TANC2: variants seen among roughly 807,000 people sequenced by gnomAD.
TANC2 encodes protein TANC2.
In TANC2, 26 loss-of-function variants were observed where a neutral mutation model predicts 210.5. The observed-to-expected ratio is 0.12, with a 90% CI of 0.09 to 0.17. The LOEUF is 0.17. Among genes scored for constraint, TANC2 ranks in the 10% least tolerant of loss-of-function variants. TANC2 has a pLI of 1.00. For missense variants in TANC2, 2,129 were observed against 2,608.9 expected (o/e 0.82, Z 4.01); for synonymous variants, 931 against 967.1 (o/e 0.96, Z 0.69).
intron 6 of TANC2, among the ~76,000 whole-genome samples, chr17:63,198,342 G>A (rs999220703): frequency 2.0e-5 from 3 of 151,978 alleles, no homozygotes; most frequent in Non-Finnish European, 4.4e-5. Flanking sequence ...GTAGAGGCAT[G>A]CACCACCACA....
At chr17:63,151,844 G>A (rs971773889) in intron 5 of TANC2, 2 of 152,134 alleles carry the variant, frequency 1.3e-5, no homozygotes, top group African/African-American at 4.8e-5. Flanking sequence ...TGTGATGCTG[G>A]AAACATTAAA....
chr17:63,183,177 T>G (rs1213631701), intron 5 of TANC2, among the ~76,000 whole-genome samples: 1 of 152,266 alleles, frequency 6.6e-6, no homozygotes, highest in African/African-American at 2.4e-5. Context: ...AGGACAAGAT[T>G]GTACACTTAA....
At chr17:63,024,623 C>G (rs1014133427) in intron 2 of TANC2, among the ~76,000 whole-genome samples, 1 of 152,140 alleles carries the variant, frequency 6.6e-6, no homozygotes, top group African/African-American at 2.4e-5. Context: ...TTTACCCAGC[C>G]CCTATTCAAG....
intron 2 of TANC2, among the ~76,000 whole-genome samples, chr17:63,030,223 G>A (rs944463517): frequency 6.6e-6 from 1 of 151,982 alleles, no homozygotes; most frequent in East Asian, 1.9e-4. Context: ...TCTCCTCCCT[G>A]GTCAGTTTTG....
rs368315077 is a variant in TANC2, at chr17:63,073,238, A to G, written c.68-705A>G. ...TATTAATTTCTGTTTTACTGTGCCT[A>G]TTTTAATGAATTTATGATGCATAAT... On this transcript the variant is annotated intron_variant, in intron 2 of 27. Transcript: ENST00000689528. Among the ~76,000 whole-genome samples the G allele has an allele frequency of 3.3e-5, 5 of 152,146 alleles. No homozygotes were observed. In the South Asian group the frequency reaches 8.3e-4, roughly 25 times the overall value.
At chr17:63,153,618 A>G (rs2039733949) in intron 5 of TANC2, 2 of 152,124 alleles carry the variant, frequency 1.3e-5, no homozygotes, top group Non-Finnish European at 2.9e-5. Flanking sequence ...TTGAGATTCT[A>G]TGCTTTGAGA....
intron 9 of TANC2, among the ~76,000 whole-genome samples, chr17:63,307,731 C>T (rs190348584): frequency 6.6e-6 from 1 of 151,384 alleles, no homozygotes; most frequent in East Asian, 1.9e-4. Flanking sequence ...TGGGCATACT[C>T]TAATGTATCC....
intron 14 of TANC2, among the ~76,000 whole-genome samples, chr17:63,361,801 T>A (rs1438928241): frequency 2.0e-5 from 3 of 152,152 alleles, no homozygotes; most frequent in Non-Finnish European, 4.4e-5. Context: ...AACTGGAGAG[T>A]GAGCAATGCA....
intron 3 of TANC2, among the ~76,000 whole-genome samples, chr17:63,082,399 CAGTTGGTTTTAATGTTTT>C (rs1375349008): frequency 1.3e-5 from 2 of 152,094 alleles, no homozygotes; most frequent in African/African-American, 4.8e-5. Flanking sequence ...ATATGAAGAG[CAGTTGGTTTTAATGTTTT>C]TTTCCTAGTG....
At chr17:62,970,981 G>C (rs1169087010) in intron 1 of TANC2, among the ~76,000 whole-genome samples, 1 of 151,892 alleles carries the variant, frequency 6.6e-6, no homozygotes, top group Non-Finnish European at 1.5e-5. Flanking sequence ...TTGAGACTCA[G>C]CATTGTTATA....
At chr17:63,283,536 A>G (rs1163942794) in intron 9 of TANC2, among the ~76,000 whole-genome samples, 1 of 151,802 alleles carries the variant, frequency 6.6e-6, no homozygotes, top group Non-Finnish European at 1.5e-5. Flanking sequence ...ATGGATGGAC[A>G]GACGTACAGA....
chr17:63,405,264 G>A lies in TANC2; in HGVS notation c.3465+9G>A, dbSNP rs1338733148. On this transcript the variant is annotated intron_variant, in intron 20 of 27. Transcript: ENST00000689528. ...GCCAGGGCCACTGGCAGGTAAGCAGGGCGACCACTTCCAGTCCCTCAGGCA... is the reference window on the plus strand; with the variant it reads ...GCCAGGGCCACTGGCAGGTAAGCAGAGCGACCACTTCCAGTCCCTCAGGCA... 4 of 1,557,332 alleles carry A rather than the reference G, an allele frequency of 2.6e-6. No individual in the cohort carries two copies. The highest frequency in any genetic ancestry group is 2.3e-5 in the East Asian group (1 of 42,972).
At chr17:63,427,017 A>C (rs1162096137) in exon 28 of TANC2, 2 of 152,156 alleles carry the variant, frequency 1.3e-5, no homozygotes, top group Non-Finnish European at 2.9e-5. Flanking sequence ...CCAGATCTCC[A>C]CTTCATTCAC....
intron 7 of TANC2, among the ~76,000 whole-genome samples, chr17:63,236,661 A>G (rs2042629356): frequency 6.6e-6 from 1 of 152,016 alleles, no homozygotes; most frequent in Admixed American, 6.6e-5. Context: ...CCACCTTGTA[A>G]CCCTTCAGAG....
At chr17:63,367,419 A>G (rs560100931) in intron 14 of TANC2, among the ~76,000 whole-genome samples, 7 of 152,272 alleles carry the variant, frequency 4.6e-5, no homozygotes, top group African/African-American at 1.4e-4. Flanking sequence ...TTTTTAGCTC[A>G]TCTGGTATCT....
intron 14 of TANC2, among the ~76,000 whole-genome samples, chr17:63,357,368 A>G (rs73325754): frequency 2.0e-5 from 3 of 152,200 alleles, no homozygotes; most frequent in Non-Finnish European, 2.9e-5. Context: ...TATCATGACT[A>G]TACAGGCTTT....
chr17:63,294,201 G>A (rs951863639), intron 9 of TANC2, among the ~76,000 whole-genome samples: 2 of 152,196 alleles, frequency 1.3e-5, no homozygotes, highest in African/African-American at 2.4e-5. Context: ...TACTAGGCCA[G>A]GCGTGTTGGC....
chr17:62,972,227 G>C (rs1480258463), intron 1 of TANC2, among the ~76,000 whole-genome samples: 1 of 152,112 alleles, frequency 6.6e-6, no homozygotes, highest in Admixed American at 6.5e-5. Context: ...TGTCATATAA[G>C]TTGTTTTTTT....
intron 14 of TANC2, among the ~76,000 whole-genome samples, chr17:63,369,006 T>A (rs1000573489): frequency 1.3e-5 from 2 of 152,210 alleles, no homozygotes; most frequent in Non-Finnish European, 2.9e-5. Flanking sequence ...CACACTCGTG[T>A]TCCTAGTAGG....
Sources: allele counts gnomAD v4.1 joint callset (sites outside exome capture counted in the v4.1 genomes callset), GRCh38; gene constraint gnomAD v4.1.1; transcripts MANE v1.5; gene names NCBI Gene and HGNC (gene_info 2026-07-23, HGNC 2026-07-21).